The following SKAP1 variants were observed in gnomAD, a reference collection of about 807,000 sequenced individuals.
The protein encoded by SKAP1 is src kinase-associated phosphoprotein 1.
A neutral mutation model predicts 58.5 loss-of-function variants in SKAP1; 44 were observed. The ratio of observed to expected loss-of-function variants is 0.75; its 90% CI spans 0.59 to 0.97. The LOEUF (loss-of-function observed/expected upper bound fraction) is 0.97. SKAP1 is among the 50% of genes least tolerant of loss of function. The probability of loss-of-function intolerance (pLI) is 0.00; values close to 1 mark genes in which losing one functional copy is unlikely to be tolerated. For synonymous variants in SKAP1, 127 were observed against 149.7 expected, an observed-to-expected ratio of 0.85 and a Z score of 1.11; for missense variants, 390 against 435.2, an observed-to-expected ratio of 0.90 and a Z score of 0.92.
chr17:48,237,158 G>A (rs2065190661), intron 4 of SKAP1, among the ~76,000 whole-genome samples: 1 of 152,136 alleles, frequency 6.6e-6, no homozygotes, highest in South Asian at 2.1e-4. Flanking sequence ...TATTTGTTGT[G>A]CCCTAATCAT....
chr17:48,405,126 T>C (rs117129775), intron 1 of SKAP1, among the ~76,000 whole-genome samples: 3 of 152,220 alleles, frequency 2.0e-5, no homozygotes, highest in Non-Finnish European at 4.4e-5. Flanking sequence ...TAGTCTTGGA[T>C]AGATGAAGTA....
At chr17:48,310,069 C>G (rs1477480202) in intron 4 of SKAP1, among the ~76,000 whole-genome samples, 6 of 152,194 alleles carry the variant, frequency 3.9e-5, no homozygotes, top group African/African-American at 1.4e-4. Flanking sequence ...TTACCAAAAG[C>G]AATATCTTTT....
chr17:48,397,246 G>T (rs990653789), intron 1 of SKAP1, among the ~76,000 whole-genome samples: 1 of 152,116 alleles, frequency 6.6e-6, no homozygotes, highest in African/African-American at 2.4e-5. Context: ...TTAGGGGGGG[G>T]ATGGAGTCTC....
chr17:48,260,830 C>T (rs1317063844), intron 4 of SKAP1, among the ~76,000 whole-genome samples: 1 of 152,130 alleles, frequency 6.6e-6, no homozygotes, highest in Non-Finnish European at 1.5e-5. Context: ...ACCACACACA[C>T]ACAGTTTAAC....
chr17:48,422,159 C>T (rs991811578), intron 1 of SKAP1, among the ~76,000 whole-genome samples: 2 of 152,052 alleles, frequency 1.3e-5, no homozygotes, highest in Non-Finnish European at 2.9e-5. Context: ...TGCAGTAAGC[C>T]AAGATTGCAC....
chr17:48,442,030 A>G, the SKAP1 span, among the ~76,000 whole-genome samples: 2 of 152,158 alleles, frequency 1.3e-5, no homozygotes, highest in Non-Finnish European at 2.9e-5. Context: ...GCAAGCACCA[A>G]GGGTTTGTCC....
In SKAP1 at chr17:48,371,135, G is replaced by A. The variant is rs115691907; in HGVS notation, c.153-7321C>T. On this transcript the variant is annotated intron_variant, in intron 2 of 12. Transcript: ENST00000336915. ...AGATACTAGGGACTAATAGAGATGG[G>A]GAAAGAGAAAGAGGGGTAGGAGTTG... 1.6e-3 allele frequency among the ~76,000 whole-genome samples: 246 copies of A among 152,244 alleles called. 1 individual carries two copies. The highest frequency in any genetic ancestry group is 5.8e-3 in the African/African-American group (239 of 41,522).
At chr17:48,359,609 CTTTG>C (rs1193598454) in intron 3 of SKAP1, among the ~76,000 whole-genome samples, 2 of 151,858 alleles carry the variant, frequency 1.3e-5, no homozygotes, top group African/African-American at 4.8e-5. Flanking sequence ...TTGTTTATTT[CTTTG>C]TTTGTGTGTT....
chr17:48,334,481 G>C (rs566398992), intron 4 of SKAP1, among the ~76,000 whole-genome samples: 1 of 151,844 alleles, frequency 6.6e-6, no homozygotes, highest in Admixed American at 6.5e-5. Context: ...AAATAGCACA[G>C]GTATAACTAA....
chr17:48,253,961 G>GA (rs1310297965), intron 4 of SKAP1, among the ~76,000 whole-genome samples: 1 of 152,026 alleles, frequency 6.6e-6, no homozygotes, highest in Admixed American at 6.6e-5. Flanking sequence ...AGTTCCTTCA[G>GA]AAAAAAATAA....
intron 4 of SKAP1, among the ~76,000 whole-genome samples, chr17:48,275,748 TTGC>T (rs894814514): frequency 1.1e-4 from 16 of 152,124 alleles, no homozygotes; most frequent in Non-Finnish European, 2.2e-4. Flanking sequence ...ATTGTTGTTG[TTGC>T]TGCTGCTGCT....
At chr17:48,429,983 C>G in intron 1 of SKAP1, 92 bp downstream of exon 1, 1 of 1,090,552 alleles carries the variant, frequency 9.2e-7, no homozygotes, top group African/African-American at 1.6e-5. Context: ...AGGTGAGTGA[C>G]GAAGCCGTAA....
the SKAP1 span, among the ~76,000 whole-genome samples, chr17:48,435,702 C>A: frequency 6.6e-6 from 1 of 152,126 alleles, no homozygotes; most frequent in Non-Finnish European, 1.5e-5. Flanking sequence ...TACTTTTTAT[C>A]CTTTCTTCTT....
chr17:48,433,510 C>T (rs975571351), upstream of SKAP1, among the ~76,000 whole-genome samples: 2 of 152,174 alleles, frequency 1.3e-5, no homozygotes, highest in Non-Finnish European at 2.9e-5. Context: ...TCCCGTCCCC[C>T]CCAGACCCAA....
chr17:48,414,932 T>A (rs1383375982), intron 1 of SKAP1, among the ~76,000 whole-genome samples: 1 of 152,216 alleles, frequency 6.6e-6, no homozygotes, highest in Non-Finnish European at 1.5e-5. Flanking sequence ...GAGAATGACA[T>A]CTTATGGGTC....
At chr17:48,292,729 T>C (rs1195361041) in intron 4 of SKAP1, among the ~76,000 whole-genome samples, 1 of 152,220 alleles carries the variant, frequency 6.6e-6, no homozygotes, top group African/African-American at 2.4e-5. Flanking sequence ...TAAGTTATAC[T>C]GCAGGTCTTG....
At chr17:48,246,495 CTTTAT>C (rs943005011) in intron 4 of SKAP1, among the ~76,000 whole-genome samples, 2 of 152,138 alleles carry the variant, frequency 1.3e-5, no homozygotes, top group Non-Finnish European at 2.9e-5. Flanking sequence ...AACCATAAAG[CTTTAT>C]TTTATTTTTT....
chr17:48,422,992 G>C (rs2067814218), intron 1 of SKAP1, among the ~76,000 whole-genome samples: 1 of 152,172 alleles, frequency 6.6e-6, no homozygotes, highest in African/African-American at 2.4e-5. Flanking sequence ...AAGTATGACA[G>C]AATAAAACAG....
chr17:48,441,273 A>G, the SKAP1 span, among the ~76,000 whole-genome samples: 1 of 152,164 alleles, frequency 6.6e-6, no homozygotes, highest in Non-Finnish European at 1.5e-5. Flanking sequence ...GCTGGAAGGA[A>G]CTTTAGAAAC....
Sources: gnomAD v4.1 joint callset for allele counts (sites outside exome capture counted in the v4.1 genomes callset) on GRCh38, gnomAD v4.1.1 for gene constraint, MANE v1.5 for transcripts, NCBI Gene and HGNC (gene_info 2026-07-23, HGNC 2026-07-21) for gene names.